The following PCDHGA7 variants were observed in gnomAD, a reference collection of about 807,000 sequenced individuals.
PCDHGA7 encodes protocadherin gamma subfamily A, 7.
Under a neutral mutation model 58.3 loss-of-function variants are expected in PCDHGA7, and 44 were observed. That is an observed-to-expected ratio of 0.75 (90% CI 0.59 to 0.97). The LOEUF is 0.97. Ranked by LOEUF, PCDHGA7 falls within the 50% of genes least tolerant of loss-of-function variation. PCDHGA7 has a pLI of 0.00. For missense variants in PCDHGA7, 1,266 were observed against 1,188.7 expected, an observed-to-expected ratio of 1.06 and a Z score of -0.96; for synonymous variants, 516 against 504.2, an observed-to-expected ratio of 1.02 and a Z score of -0.31.
At chr5:141,420,216 T>C in intron 1 of PCDHGA7, 1 of 1,609,316 alleles carries the variant, frequency 6.2e-7, no homozygotes, top group African/African-American at 1.3e-5. Context: ...AAAGATAGCA[T>C]GCTACTGGCT....
intron 1 of PCDHGA7, among the ~76,000 whole-genome samples, chr5:141,467,330 G>T (rs1335387199): frequency 6.6e-6 from 1 of 152,138 alleles, no homozygotes; most frequent in East Asian, 1.9e-4. Context: ...TGGGATTAGA[G>T]ACGTAAGCCA....
chr5:141,408,918 C>T, intron 1 of PCDHGA7: 1 of 1,613,408 alleles, frequency 6.2e-7, no homozygotes. Flanking sequence ...AATGATAACC[C>T]CCCGGTTTTC....
chr5:141,418,270 A>T, intron 1 of PCDHGA7: 1 of 1,614,052 alleles, frequency 6.2e-7, no homozygotes. Context: ...GGAAAGATGA[A>T]ATAAACTTAG....
chr5:141,414,659 T>C lies in PCDHGA7; in HGVS notation c.2424+29336T>C, dbSNP rs566999623. On this transcript the variant is annotated intron_variant, in intron 1 of 3. Coordinates refer to ENST00000518325, the MANE Select transcript of PCDHGA7 (RefSeq NM_018920.4). ...GAGAATGCCCAGATTATTTACTCCC[T>C]GGCTGAAGACACCATCCAGGGGGTA... 21 of 1,614,010 alleles carry C rather than the reference T, an allele frequency of 1.3e-5. No homozygotes were observed. In the South Asian group the frequency reaches 2.2e-4, roughly 17 times the overall value.
At chr5:141,388,991 C>G in intron 1 of PCDHGA7, 1 of 1,613,976 alleles carries the variant, frequency 6.2e-7, no homozygotes. Flanking sequence ...TGCTCAAAGT[C>G]CGTGACAAGG....
intron 1 of PCDHGA7, chr5:141,408,915 A>T (rs2095192273): frequency 1.2e-6 from 2 of 1,613,004 alleles, no homozygotes; most frequent in South Asian, 2.2e-5. Context: ...ACCAATGATA[A>T]CCCCCCGGTT....
chr5:141,486,617 C>A lies in PCDHGA7; in HGVS notation c.2425-8190C>A. On this transcript the variant is annotated intron_variant, in intron 1 of 3. Coordinates refer to ENST00000518325, the MANE Select transcript of PCDHGA7 (RefSeq NM_018920.4). The surrounding 1 kb of genome is among the most constrained non-coding windows in gnomAD (Gnocchi z 5.0). The stretch of plus-strand genomic sequence containing the variant: ...GCTTTGCTCCCTTGCAGCCTCTGAC[C>A]CAGACTCTGGCTTGAATGCGCTTAT... The A allele has an allele frequency of 1.2e-6, 2 of 1,613,602 alleles. No homozygotes were observed. The highest frequency in any genetic ancestry group is 2.2e-5 in the East Asian group (1 of 44,874).
chr5:141,441,057 A>T (rs2098222263), intron 1 of PCDHGA7: 2 of 152,152 alleles, frequency 1.3e-5, no homozygotes, highest in South Asian at 4.1e-4. Flanking sequence ...ACTTTTAAAG[A>T]TTTTTAATTT....
chr5:141,481,257 A>T (rs2099534664), intron 1 of PCDHGA7, among the ~76,000 whole-genome samples: 1 of 152,172 alleles, frequency 6.6e-6, no homozygotes, highest in African/African-American at 2.4e-5. Context: ...GCTCTAAAAG[A>T]TCACTGTAGG....
In PCDHGA7 at chr5:141,506,418, G is replaced by A. The variant is rs2099853241; in HGVS notation, c.2572+937G>A. Among the ~76,000 whole-genome samples, 3 of 141,160 alleles carry A rather than the reference G, an allele frequency of 2.1e-5. No homozygotes were observed. The South Asian group carries it at 6.6e-4, about 31-fold the overall frequency. 92.6% of individuals were successfully genotyped at this position (141,160 alleles called of 152,430 possible). The stretch of plus-strand genomic sequence containing the variant: ...CAGAAAATCGCACCACTGCACTCCA[G>A]CCTGGGCAACAGTCTCGCTCTGTCT... On this transcript the variant is annotated intron_variant, in intron 3 of 3. Coordinates refer to ENST00000518325, the MANE Select transcript of PCDHGA7 (RefSeq NM_018920.4).
At chr5:141,402,335 G>A (rs1157845729) in intron 1 of PCDHGA7, among the ~76,000 whole-genome samples, 1 of 151,508 alleles carries the variant, frequency 6.6e-6, no homozygotes, top group Non-Finnish European at 1.5e-5. Context: ...CAAATATATA[G>A]GTATAAAAAT....
At chr5:141,385,391 A>G (rs1781168651) in intron 1 of PCDHGA7, 68 bp downstream of exon 1, 1 of 1,505,360 alleles carries the variant, frequency 6.6e-7, no homozygotes, top group Non-Finnish European at 8.9e-7. Context: ...TTATTTTGCA[A>G]AACAAATGTT....
At chr5:141,393,917 C>A in intron 1 of PCDHGA7, 1 of 1,613,924 alleles carries the variant, frequency 6.2e-7, no homozygotes, top group Non-Finnish European at 8.5e-7. Flanking sequence ...TAATTGCCTT[C>A]TTGAGTGTGC....
In PCDHGA7 at chr5:141,431,265, G is replaced by T; in HGVS notation, c.2424+45942G>T. On this transcript the variant is annotated intron_variant, in intron 1 of 3. Transcript: ENST00000518325. The surrounding 1 kb of genome is among the most constrained non-coding windows in gnomAD (Gnocchi z 4.8). ...GATATCGGGAAGAACTCTCTGCAGAGCTACGAGCTCAGCCCGAACACTCAC... is the reference window on the plus strand; with the variant it reads ...GATATCGGGAAGAACTCTCTGCAGATCTACGAGCTCAGCCCGAACACTCAC... 1 of 1,614,168 alleles carries T rather than the reference G, an allele frequency of 6.2e-7. No homozygotes were observed. The highest frequency in any genetic ancestry group is 8.5e-7 in the Non-Finnish European group (1 of 1,180,054).
In PCDHGA7 at chr5:141,486,077, C is replaced by T; in HGVS notation, c.2425-8730C>T. 6.2e-7 allele frequency: 1 copy of T among 1,614,186 alleles called. No individual in the cohort carries two copies. The highest frequency in any genetic ancestry group is 8.5e-7 in the Non-Finnish European group (1 of 1,180,024). ...TAGCCTGCACCCCACTACTGGAAAG[C>T]TTACTCTTTTGGGGCCCCTAGACTT... On this transcript the variant is annotated intron_variant, in intron 1 of 3. Coordinates refer to ENST00000518325, the MANE Select transcript of PCDHGA7 (RefSeq NM_018920.4). The surrounding 1 kb of genome is among the most constrained non-coding windows in gnomAD (Gnocchi z 5.0).
Position 141,383,450 on chromosome 5 carries a change from G to T in PCDHGA7, c.551G>T (p.Ser184Ile). The change falls in exon 1 of 4, where the codon AGT (serine) becomes ATT (isoleucine). Residue 184 changes from serine to isoleucine, a missense_variant. Ser to Ile is a moderately radical substitution (Grantham distance 142). Coordinates refer to ENST00000518325, the MANE Select transcript of PCDHGA7 (RefSeq NM_018920.4). ...PNRHFSLAVQ[S>I]GDDETKYPEL... Reference sequence around the variant, plus strand: ...CGCCACTTCTCCCTGGCTGTGCAAAGTGGAGACGATGAAACTAAGTACCCG... The same window carrying T: ...CGCCACTTCTCCCTGGCTGTGCAAATTGGAGACGATGAAACTAAGTACCCG... 1 of 1,613,960 alleles carries T rather than the reference G, an allele frequency of 6.2e-7. No homozygotes were observed. The highest frequency in any genetic ancestry group is 1.1e-5 in the South Asian group (1 of 91,080).
intron 1 of PCDHGA7, among the ~76,000 whole-genome samples, chr5:141,472,542 GA>G (rs904556404): frequency 1.6e-4 from 23 of 147,144 alleles, no homozygotes; most frequent in African/African-American, 4.2e-4. Context: ...ACCATCTCAA[GA>G]AAAAAAAAAT....
intron 1 of PCDHGA7, among the ~76,000 whole-genome samples, chr5:141,386,181 G>C (rs908249495): frequency 3.3e-5 from 5 of 152,138 alleles, no homozygotes; most frequent in Non-Finnish European, 5.9e-5. Flanking sequence ...ACCATCTTAT[G>C]TACACAGATC....
At position 141,431,495 on chromosome 5, in the gene PCDHGA7, G is replaced by A. The variant is rs557611439; in HGVS notation, c.2424+46172G>A. The A allele has an allele frequency of 4.3e-6, 7 of 1,613,864 alleles. No homozygotes were observed. The highest frequency in any genetic ancestry group is 1.1e-5 in the South Asian group (1 of 91,092). On this transcript the variant is annotated intron_variant, in intron 1 of 3. Coordinates refer to ENST00000518325, the MANE Select transcript of PCDHGA7 (RefSeq NM_018920.4). This position sits in a 1 kb window ranked among gnomAD's most constrained non-coding sequence, Gnocchi z 4.8. ...CAACGCACCAGCGTTTGCTCAGCCC[G>A]AGTACCGCGCGAGCGTTCCGGAGAA...
Sources: allele counts gnomAD v4.1 joint callset (sites outside exome capture counted in the v4.1 genomes callset), GRCh38; gene constraint gnomAD v4.1.1; non-coding constraint Gnocchi (gnomAD v3.1); transcripts MANE v1.5; gene names NCBI Gene and HGNC (gene_info 2026-07-23, HGNC 2026-07-21).